Variants in GUCY1A2 observed in about 807,000 individuals in gnomAD.
GUCY1A2 encodes guanylate cyclase 1 soluble subunit alpha 2.
A neutral mutation model predicts 63.5 loss-of-function variants in GUCY1A2; 27 were observed. The ratio of observed to expected loss-of-function variants is 0.43; its 90% CI spans 0.31 to 0.59. The LOEUF is 0.59. Ranked by LOEUF, GUCY1A2 falls within the 20% of genes least tolerant of loss-of-function variation. The probability of loss-of-function intolerance (pLI) is 0.11; values close to 1 mark genes in which losing one functional copy is unlikely to be tolerated. For synonymous variants in GUCY1A2, 364 were observed against 343.5 expected, an observed-to-expected ratio of 1.06 and a Z score of -0.66; for missense variants, 768 against 913.3, an observed-to-expected ratio of 0.84 and a Z score of 2.05.
intron 7 of GUCY1A2, among the ~76,000 whole-genome samples, chr11:106,700,880 T>A (rs538847233): frequency 6.6e-6 from 1 of 151,980 alleles, no homozygotes; most frequent in Non-Finnish European, 1.5e-5. Flanking sequence ...ACATTAAGCG[T>A]CCATAGGAAG....
intron 3 of GUCY1A2, among the ~76,000 whole-genome samples, chr11:106,958,993 T>G (rs1861025810): frequency 6.6e-6 from 1 of 152,194 alleles, no homozygotes. Context: ...CAGTGGTGCA[T>G]GTACTTACTG....
At chr11:106,726,912 G>A (rs962898861) in intron 6 of GUCY1A2, among the ~76,000 whole-genome samples, 6 of 152,128 alleles carry the variant, frequency 3.9e-5, no homozygotes, top group Admixed American at 2.0e-4. Flanking sequence ...TGGCTGTGGC[G>A]GACTTACCAA....
intron 1 of GUCY1A2, among the ~76,000 whole-genome samples, chr11:106,990,164 A>G (rs1161329923): frequency 5.9e-5 from 9 of 152,202 alleles, no homozygotes; most frequent in Admixed American, 5.2e-4. Context: ...CTAGCAATGG[A>G]GAGGAAGCCA....
rs71470827 is a variant in GUCY1A2, at chr11:106,698,119, A to ATTTTTTTTTTTTTTTTTTTTTTTTTTT, written c.1992-10364_1992-10363insAAAAAAAAAAAAAAAAAAAAAAAAAAA. On this transcript the variant is annotated intron_variant, in intron 7 of 7. Transcript: ENST00000526355. ...TTTACAGCTTTCACTGAATGTTAGA[A>ATTTTTTTTTTTTTTTTTTTTTTTTTTT]TTTTTTTTTTTTTTTTTTTAGACAG... 7.8e-4 allele frequency among the ~76,000 whole-genome samples: 78 copies of ATTTTTTTTTTTTTTTTTTTTTTTTTTT among 100,476 alleles called. 10 individuals are homozygous for ATTTTTTTTTTTTTTTTTTTTTTTTTTT. Among genetic ancestry groups the ATTTTTTTTTTTTTTTTTTTTTTTTTTT allele is most frequent in the Middle Eastern group, 6.2e-3 (1 of 162 alleles). The allele number at this position is 100,476 out of a possible 152,430, so 65.9% of individuals were successfully genotyped here. A position where few individuals can be genotyped will look rare whatever the true frequency, so the allele number is the denominator to read the frequency against.
At chr11:106,852,181 C>T (rs912195917) in intron 4 of GUCY1A2, among the ~76,000 whole-genome samples, 1 of 151,914 alleles carries the variant, frequency 6.6e-6, no homozygotes, top group Non-Finnish European at 1.5e-5. Flanking sequence ...TTTTACTGAA[C>T]TTGTGTATCA....
chr11:106,867,700 A>T (rs1307021057), intron 4 of GUCY1A2, among the ~76,000 whole-genome samples: 1 of 152,068 alleles, frequency 6.6e-6, no homozygotes, highest in Admixed American at 6.6e-5. Flanking sequence ...TCCTCTGAAT[A>T]AGTTAAAAAT....
chr11:106,900,481 C>T (rs1860116602), intron 4 of GUCY1A2, among the ~76,000 whole-genome samples: 1 of 152,188 alleles, frequency 6.6e-6, no homozygotes, highest in South Asian at 2.1e-4. Flanking sequence ...AATTATTAAT[C>T]TAAAAGACAT....
intron 4 of GUCY1A2, among the ~76,000 whole-genome samples, chr11:106,878,811 G>C (rs1453460307): frequency 6.6e-6 from 1 of 150,798 alleles, no homozygotes; most frequent in Non-Finnish European, 1.5e-5. Flanking sequence ...GAAGAAGTTG[G>C]AAAGGGGAAG....
chr11:106,730,547 C>T (rs539304174), intron 6 of GUCY1A2, among the ~76,000 whole-genome samples: 3 of 152,008 alleles, frequency 2.0e-5, no homozygotes, highest in South Asian at 2.1e-4. Context: ...TTCTATATCT[C>T]GCTATTCTGA....
At chr11:106,976,124 A>G (rs1861258523) in intron 3 of GUCY1A2, among the ~76,000 whole-genome samples, 1 of 152,062 alleles carries the variant, frequency 6.6e-6, no homozygotes, top group Admixed American at 6.6e-5. Context: ...CTCTAATACA[A>G]CCCTGTAATA....
intron 6 of GUCY1A2, among the ~76,000 whole-genome samples, chr11:106,710,127 GT>G (rs1434681383): frequency 1.3e-5 from 1 of 75,124 alleles, no homozygotes; most frequent in African/African-American, 5.3e-5. Flanking sequence ...ATATAATATA[GT>G]TATATATATA....
At chr11:107,010,036 A>G (rs1861722504) in intron 1 of GUCY1A2, among the ~76,000 whole-genome samples, 2 of 152,188 alleles carry the variant, frequency 1.3e-5, no homozygotes, top group African/African-American at 4.8e-5. Context: ...ATGAAGCTTG[A>G]GAGCTACTAG....
Position 106,678,674 on chromosome 11 carries a change from T to C in GUCY1A2, c.*8875A>G. 1 of 209,068 alleles carries C rather than the reference T, an allele frequency of 4.8e-6. No homozygotes were observed. Among genetic ancestry groups the C allele is most frequent in the East Asian group, 7.2e-5 (1 of 13,874 alleles). The allele number at this position is 209,068 out of a possible 1,614,324, so 13.0% of individuals were successfully genotyped here. A position where few individuals can be genotyped will look rare whatever the true frequency, so the allele number is the denominator to read the frequency against. On this transcript the variant is annotated 3_prime_UTR_variant, in exon 8 of 8. Transcript: ENST00000526355. ...ATTTGTTGTTCAAATGATTTGAACATAAATTGGTTTTGACTTAGATTTTAT... is the reference window on the plus strand; with the variant it reads ...ATTTGTTGTTCAAATGATTTGAACACAAATTGGTTTTGACTTAGATTTTAT...
chr11:107,000,434 T>G (rs1425706694), intron 1 of GUCY1A2, among the ~76,000 whole-genome samples: 1 of 152,228 alleles, frequency 6.6e-6, no homozygotes, highest in Non-Finnish European at 1.5e-5. Context: ...AATCATCTCA[T>G]CATTATCACT....
chr11:106,797,145 T>C (rs1347180944), intron 5 of GUCY1A2, among the ~76,000 whole-genome samples: 1 of 152,168 alleles, frequency 6.6e-6, no homozygotes, highest in East Asian at 1.9e-4. Context: ...TAAGGACTTC[T>C]CTACAATGGT....
chr11:107,018,088 GGCGGCGAGGACGCGA>G lies in GUCY1A2; in HGVS notation c.-48_-34del. 1.4e-6 allele frequency: 2 copies of G among 1,393,078 alleles called. No homozygotes were observed. The highest frequency in any genetic ancestry group is 1.9e-6 in the Non-Finnish European group (2 of 1,055,320). 86.3% of individuals were successfully genotyped at this position (1,393,078 alleles called of 1,614,324 possible). A position where few individuals can be genotyped will look rare whatever the true frequency, so the allele number is the denominator to read the frequency against. ...GCGGAGCTGCAGCGGCCGAGGCGGTGGCGGCGAGGACGCGAGCGGCGGCGGAGGCGGCGGTGGCGG... is the reference window on the plus strand; with the variant it reads ...GCGGAGCTGCAGCGGCCGAGGCGGTGGCGGCGGCGGAGGCGGCGGTGGCGG... On this transcript the variant is annotated 5_prime_UTR_variant, in exon 1 of 8. Transcript: ENST00000526355.
intron 6 of GUCY1A2, among the ~76,000 whole-genome samples, chr11:106,714,550 G>A (rs889239549): frequency 3.3e-5 from 5 of 152,160 alleles, no homozygotes; most frequent in African/African-American, 1.2e-4. Context: ...CTATCAATGA[G>A]GGCTTTACAT....
chr11:106,735,873 GA>G (rs2135374895), intron 6 of GUCY1A2, among the ~76,000 whole-genome samples: 1 of 152,112 alleles, frequency 6.6e-6, no homozygotes, highest in East Asian at 1.9e-4. Flanking sequence ...GCATTTCTCT[GA>G]TGATTAAGGA....
chr11:106,908,254 T>C (rs1050493497), intron 4 of GUCY1A2, among the ~76,000 whole-genome samples: 2 of 151,944 alleles, frequency 1.3e-5, no homozygotes, highest in Non-Finnish European at 2.9e-5. Context: ...GCACTAAACA[T>C]AGTGAAAAAC....
Sources: allele counts gnomAD v4.1 joint callset (sites outside exome capture counted in the v4.1 genomes callset), GRCh38; gene constraint gnomAD v4.1.1; transcripts MANE v1.5; gene names NCBI Gene and HGNC (gene_info 2026-07-23, HGNC 2026-07-21).